Variants in GRAMD4 observed in about 807,000 individuals in gnomAD.
The protein encoded by GRAMD4 is GRAM domain-containing protein 4.
A neutral mutation model predicts 83.9 loss-of-function variants in GRAMD4; 25 were observed. The ratio of observed to expected loss-of-function variants is 0.30; its 90% confidence interval spans 0.22 to 0.42. The LOEUF (loss-of-function observed/expected upper bound fraction) is 0.42. GRAMD4 is among the 10% of genes least tolerant of loss of function. GRAMD4 has a pLI of 1.00. For missense variants in GRAMD4, 593 were observed against 788.7 expected, an observed-to-expected ratio of 0.75 and a Z score of 2.97; for synonymous variants, 336 against 320.9, an observed-to-expected ratio of 1.05 and a Z score of -0.50.
intron 3 of GRAMD4, among the ~76,000 whole-genome samples, chr22:46,657,473 C>A (rs1309590867): frequency 1.3e-5 from 2 of 152,214 alleles, no homozygotes; most frequent in African/African-American, 4.8e-5. Context: ...TCCTGACTGC[C>A]AGAGGCTGCC....
chr22:46,681,468 T>C (rs774575274), downstream of GRAMD4, among the ~76,000 whole-genome samples: 10 of 152,240 alleles, frequency 6.6e-5, no homozygotes, highest in Non-Finnish European at 1.3e-4. Context: ...TTTTAATGCA[T>C]GCATTTTACC....
intron 1 of GRAMD4, among the ~76,000 whole-genome samples, chr22:46,591,189 C>T (rs1257028083): frequency 1.3e-5 from 2 of 152,346 alleles, no homozygotes; most frequent in Admixed American, 1.3e-4. Flanking sequence ...TGAAATCTCT[C>T]GTTATCTTAA....
At chr22:46,676,276 C>T (rs190953873) in intron 17 of GRAMD4, among the ~76,000 whole-genome samples, 181 of 152,346 alleles carry the variant, frequency 1.2e-3, no homozygotes, top group African/African-American at 4.1e-3. Context: ...ACAGATGGCC[C>T]TCCTGGTGCC....
chr22:46,629,932 C>T lies in GRAMD4; in HGVS notation c.162+2971C>T, dbSNP rs115517190. On this transcript the variant is annotated intron_variant, in intron 2 of 18. Transcript: ENST00000406902. ...CTGTCCTTTGCTCGCATAAGGGACG[C>T]GAGGTTCATCCATGCTGCGGTGTGC... Among the ~76,000 whole-genome samples the T allele has an allele frequency of 8.3e-3, 1,264 of 152,236 alleles. 13 individuals carry two copies. The highest frequency in any genetic ancestry group is 0.027 in the African/African-American group (1,111 of 41,540).
upstream of GRAMD4, among the ~76,000 whole-genome samples, chr22:46,616,609 C>T (rs562948872): frequency 4.5e-5 from 6 of 133,846 alleles, no homozygotes; most frequent in African/African-American, 1.7e-4. Context: ...TGTGTAGGTT[C>T]CCCTGTGTGT....
chr22:46,608,927 T>C (rs2081391152), intron 1 of GRAMD4, among the ~76,000 whole-genome samples: 1 of 152,040 alleles, frequency 6.6e-6, no homozygotes, highest in Non-Finnish European at 1.5e-5. Context: ...CGAGGATCAC[T>C]GGGCAGTGGC....
chr22:46,586,453 G>C (rs1307165088), intron 1 of GRAMD4, among the ~76,000 whole-genome samples: 2 of 151,974 alleles, frequency 1.3e-5, no homozygotes. Flanking sequence ...CCCAGCCCAG[G>C]GCTCCCTGGC....
intron 2 of GRAMD4, among the ~76,000 whole-genome samples, chr22:46,632,119 A>G (rs2081783539): frequency 6.6e-6 from 1 of 152,258 alleles, no homozygotes; most frequent in Non-Finnish European, 1.5e-5. Context: ...TCCTGGGACA[A>G]AGTGGCTGAG....
intron 1 of GRAMD4, among the ~76,000 whole-genome samples, chr22:46,603,201 GTTTTTTT>G (rs569545888): frequency 4.5e-5 from 4 of 89,420 alleles, no homozygotes; most frequent in Admixed American, 1.5e-4. Context: ...ATCTTCTCTT[GTTTTTTT>G]TTTTTTTTTT....
intron 1 of GRAMD4, among the ~76,000 whole-genome samples, chr22:46,595,148 T>TG (rs1476681890): frequency 1.3e-5 from 2 of 150,850 alleles, no homozygotes; most frequent in Non-Finnish European, 3.0e-5. Flanking sequence ...ACACACAGGG[T>TG]GGGGGAAGTG....
chr22:46,576,590 C>T (rs1219480744), upstream of GRAMD4, among the ~76,000 whole-genome samples: 5 of 152,322 alleles, frequency 3.3e-5, no homozygotes, highest in East Asian at 9.7e-4. Flanking sequence ...GCGAGTCTAG[C>T]GGGGTTCGTG....
chr22:46,583,272 A>G (rs2081115744), intron 1 of GRAMD4, among the ~76,000 whole-genome samples: 1 of 152,244 alleles, frequency 6.6e-6, no homozygotes, highest in African/African-American at 2.4e-5. Flanking sequence ...AATTGCAGAG[A>G]TAATACAGAG....
At chr22:46,577,276 C>G in exon 1 of GRAMD4, 46 of 979,508 alleles carry the variant, frequency 4.7e-5, no homozygotes, top group Non-Finnish European at 5.4e-5. Flanking sequence ...GAGTTGGCCC[C>G]GATATCCGCT....
In GRAMD4 at chr22:46,659,080, C is replaced by T. The variant is rs967229801; in HGVS notation, c.404+773C>T. Among the ~76,000 whole-genome samples, 2 of 152,156 alleles carry T rather than the reference C, an allele frequency of 1.3e-5. No individual in the cohort carries two copies. The highest frequency in any genetic ancestry group is 2.9e-5 in the Non-Finnish European group (2 of 68,014). The stretch of plus-strand genomic sequence containing the variant: ...CCGTGTCCCTCTGCACAAGTTCAAA[C>T]TGGTGCCTGGTACATGAGGCCAGGG... On this transcript the variant is annotated intron_variant, in intron 4 of 18. Coordinates refer to ENST00000406902, the MANE Select transcript of GRAMD4 (RefSeq NM_015124.5). The surrounding 1 kb of genome is among the most constrained non-coding windows in gnomAD (Gnocchi z 4.1).
chr22:46,579,618 T>C (rs2081077882), intron 1 of GRAMD4, among the ~76,000 whole-genome samples: 1 of 152,192 alleles, frequency 6.6e-6, no homozygotes, highest in Non-Finnish European at 1.5e-5. Flanking sequence ...GATAGTCCCA[T>C]GATGTGATCT....
chr22:46,582,334 G>A (rs937171408), intron 1 of GRAMD4, among the ~76,000 whole-genome samples: 3 of 152,014 alleles, frequency 2.0e-5, no homozygotes, highest in African/African-American at 7.2e-5. Context: ...GCTGGGCAGC[G>A]GGCGGTTAGG....
chr22:46,666,712 G>A (rs1051685764), intron 9 of GRAMD4, 113 bp from the exon 10 acceptor site: 27 of 855,506 alleles, frequency 3.2e-5, no homozygotes, highest in Non-Finnish European at 5.4e-5. Context: ...AGCATAGAAG[G>A]ACCTAGAAGG....
At chr22:46,595,045 G>A (rs956066008) in intron 1 of GRAMD4, among the ~76,000 whole-genome samples, 14 of 152,222 alleles carry the variant, frequency 9.2e-5, no homozygotes, top group African/African-American at 2.4e-4. Context: ...TGTGGACTGC[G>A]TGGCCTGGCG....
At chr22:46,628,277 TC>T (rs1463728647) in intron 2 of GRAMD4, among the ~76,000 whole-genome samples, 1 of 151,896 alleles carries the variant, frequency 6.6e-6, no homozygotes, top group Non-Finnish European at 1.5e-5. Flanking sequence ...GTAGGGACCC[TC>T]CCGCCTGAGG....
Sources: gnomAD v4.1 joint callset for allele counts (sites outside exome capture counted in the v4.1 genomes callset) on GRCh38, gnomAD v4.1.1 for gene constraint, Gnocchi (gnomAD v3.1) non-coding constraint, MANE v1.5 for transcripts, NCBI Gene and HGNC (gene_info 2026-07-23, HGNC 2026-07-21) for gene names.